Variants in PLXDC2 observed in about 807,000 individuals in gnomAD.
PLXDC2 encodes plexin domain containing 2.
Under a neutral mutation model 68.9 loss-of-function variants are expected in PLXDC2, and 40 were observed. The observed-to-expected ratio is 0.58, with a 90% CI of 0.45 to 0.76. PLXDC2 has a LOEUF of 0.76. Ranked by LOEUF, PLXDC2 falls within the 30% of genes least tolerant of loss-of-function variation. PLXDC2 has a pLI of 0.00. For synonymous variants in PLXDC2, 243 were observed against 234.2 expected (o/e 1.04, Z -0.34); for missense variants, 644 against 661.9 (o/e 0.97, Z 0.30).
intron 1 of PLXDC2, among the ~76,000 whole-genome samples, chr10:19,841,360 C>T (rs1313580051): frequency 1.3e-5 from 2 of 152,054 alleles, no homozygotes; most frequent in Non-Finnish European, 2.9e-5. Context: ...CACTAAATTT[C>T]AGTGTTTCCA....
At chr10:20,155,942 C>T (rs770694958) in intron 6 of PLXDC2, among the ~76,000 whole-genome samples, 3 of 152,022 alleles carry the variant, frequency 2.0e-5, no homozygotes, top group East Asian at 1.9e-4. Flanking sequence ...TGCAGTGGCG[C>T]GATCTCAGCT....
Position 19,994,932 on chromosome 10 carries a change from C to T in PLXDC2, c.113-6843C>T, listed in dbSNP as rs550323014. ...TAATTTTTTGTATTTTTAGTAGAGACGGGGTTTCACCACGTTGGCCAGCCT... is the reference window on the plus strand; with the variant it reads ...TAATTTTTTGTATTTTTAGTAGAGATGGGGTTTCACCACGTTGGCCAGCCT... On this transcript the variant is annotated intron_variant, in intron 1 of 13. Coordinates refer to ENST00000377252, the MANE Select transcript of PLXDC2 (RefSeq NM_032812.9). Among the ~76,000 whole-genome samples, 182 of 151,850 alleles carry T rather than the reference C, an allele frequency of 1.2e-3. 1 individual carries two copies. The highest frequency in any genetic ancestry group is 2.2e-3 in the Non-Finnish European group (148 of 67,924).
At chr10:20,127,692 G>A (rs1211438036) in intron 4 of PLXDC2, among the ~76,000 whole-genome samples, 2 of 152,030 alleles carry the variant, frequency 1.3e-5, no homozygotes, top group Non-Finnish European at 2.9e-5. Context: ...TAAGTCCTTA[G>A]AAAAGAAAGA....
In PLXDC2 at chr10:20,177,388, G is replaced by A. The variant is rs1280055367; in HGVS notation, c.1040G>A (p.Ser347Asn). Reference sequence around the variant, plus strand: ...TCTTCTCAGATTGGCTTCAACTGCAGTTGGTGTAGTAAACTTCAAAGGTAA... The same window carrying A: ...TCTTCTCAGATTGGCTTCAACTGCAATTGGTGTAGTAAACTTCAAAGGTAA... ...CVSSQIGFNC[S>N]WCSKLQRCSS... The change falls in exon 9 of 14, where the codon AGT (serine) becomes AAT (asparagine). Residue 347 changes from serine (S) to asparagine (N), a missense_variant. Coordinates refer to ENST00000377252, the MANE Select transcript of PLXDC2 (RefSeq NM_032812.9). 1 of 1,577,144 alleles carries A rather than the reference G, an allele frequency of 6.3e-7. No homozygotes were observed. The highest frequency in any genetic ancestry group is 1.4e-5 in the African/African-American group (1 of 73,922).
rs1834973045 is a variant in PLXDC2, at chr10:20,205,069, A to T, written c.1062-6600A>T. Among the ~76,000 whole-genome samples, 3 of 152,162 alleles carry T rather than the reference A, an allele frequency of 2.0e-5. No homozygotes were observed. The South Asian group carries it at 6.2e-4, about 31-fold the overall frequency. ...CATAGGAATATATTACCCTTGCAAA[A>T]TAATTCCTATTTCTGAAATTCTTTC... On this transcript the variant is annotated intron_variant, in intron 9 of 13. Coordinates refer to ENST00000377252, the MANE Select transcript of PLXDC2 (RefSeq NM_032812.9).
chr10:19,964,414 G>C (rs1292266002), intron 1 of PLXDC2, among the ~76,000 whole-genome samples: 1 of 152,140 alleles, frequency 6.6e-6, no homozygotes, highest in African/African-American at 2.4e-5. Context: ...CCAATCTCCA[G>C]CTTCCCATTC....
At chr10:19,954,671 T>TTC (rs1834040263) in intron 1 of PLXDC2, among the ~76,000 whole-genome samples, 1 of 152,240 alleles carries the variant, frequency 6.6e-6, no homozygotes, top group Non-Finnish European at 1.5e-5. Flanking sequence ...TTCCATTTAT[T>TTC]GATATTTTTA....
intron 13 of PLXDC2, among the ~76,000 whole-genome samples, chr10:20,260,052 T>A (rs990890166): frequency 5.9e-5 from 9 of 152,224 alleles, no homozygotes; most frequent in African/African-American, 2.2e-4. Context: ...ATACTCTATA[T>A]CAGGTACTCT....
chr10:20,282,673 C>T lies in PLXDC2; in HGVS notation c.*2854C>T, dbSNP rs1836096824. 6.6e-6 allele frequency: 1 copy of T among 152,092 alleles called. No homozygotes were observed. The highest frequency in any genetic ancestry group is 6.5e-5 in the Admixed American group (1 of 15,276). The allele number at this position is 152,092 out of a possible 1,614,324, so 9.4% of individuals were successfully genotyped here. A position where few individuals can be genotyped will look rare whatever the true frequency, so the allele number is the denominator to read the frequency against. ...AGAGCCTACTGCTCAAGGTCATCACCAAGGTCTGGTTGCAAAAATTCAAAA... is the reference window on the plus strand; with the variant it reads ...AGAGCCTACTGCTCAAGGTCATCACTAAGGTCTGGTTGCAAAAATTCAAAA... On this transcript the variant is annotated 3_prime_UTR_variant, in exon 14 of 14. Coordinates refer to ENST00000377252, the MANE Select transcript of PLXDC2 (RefSeq NM_032812.9).
intron 1 of PLXDC2, among the ~76,000 whole-genome samples, chr10:19,849,178 T>C (rs1439960363): frequency 6.6e-6 from 1 of 152,120 alleles, no homozygotes; most frequent in Non-Finnish European, 1.5e-5. Context: ...AGAAACAAGT[T>C]TATTGTAGAT....
At chr10:19,890,619 C>T in intron 1 of PLXDC2, among the ~76,000 whole-genome samples, 1 of 148,238 alleles carries the variant, frequency 6.7e-6, no homozygotes, top group South Asian at 2.2e-4. Flanking sequence ...TCGTGATCCA[C>T]CCGCCTCAGC....
intron 9 of PLXDC2, among the ~76,000 whole-genome samples, chr10:20,208,105 A>G (rs1479868101): frequency 6.6e-6 from 1 of 152,200 alleles, no homozygotes; most frequent in Non-Finnish European, 1.5e-5. Flanking sequence ...TTTGAAAAAT[A>G]TATAGATATC....
rs554573671 is a variant in PLXDC2 at position 20,153,359 on chromosome 10, C to CTTA, written c.783+5459_783+5461dup. ...AGACCTTCTCACTCTCTAACACTTG[C>CTTA]TTATACATTGGCAAATGCTTTGATG... On this transcript the variant is annotated intron_variant, in intron 6 of 13. Transcript: ENST00000377252. Among the ~76,000 whole-genome samples the CTTA allele has an allele frequency of 3.2e-4, 49 of 152,292 alleles. 1 individual carries two copies. In the South Asian group the frequency reaches 8.7e-3, roughly 27 times the overall value.
In PLXDC2 at chr10:20,280,434, A is replaced by G. The variant is rs1231686898; in HGVS notation, c.*615A>G. 6.6e-6 allele frequency: 1 copy of G among 152,248 alleles called. No homozygotes were observed. Among genetic ancestry groups the G allele is most frequent in the Non-Finnish European group, 1.5e-5 (1 of 68,062 alleles). The allele number at this position is 152,248 out of a possible 1,614,324, so 9.4% of individuals were successfully genotyped here. On this transcript the variant is annotated 3_prime_UTR_variant, in exon 14 of 14. Coordinates refer to ENST00000377252, the MANE Select transcript of PLXDC2 (RefSeq NM_032812.9). ...AACAAGTTCATCACTTTACAGAACG[A>G]ATCTTTTTATCCGTACAGGAGGTTC...
intron 3 of PLXDC2, among the ~76,000 whole-genome samples, chr10:20,051,525 A>G (rs1247715307): frequency 1.3e-5 from 2 of 149,812 alleles, no homozygotes; most frequent in African/African-American, 4.9e-5. Flanking sequence ...GGAGGTATAA[A>G]CCCTATTTTT....
intron 9 of PLXDC2, among the ~76,000 whole-genome samples, chr10:20,194,183 A>G (rs1834806517): frequency 9.6e-6 from 1 of 103,988 alleles, no homozygotes; most frequent in African/African-American, 3.1e-5. Flanking sequence ...AGACGAATTG[A>G]ACTCAGCTGT....
At chr10:20,140,431 A>G (rs1564330223) in intron 4 of PLXDC2, among the ~76,000 whole-genome samples, 1 of 149,334 alleles carries the variant, frequency 6.7e-6, no homozygotes, top group East Asian at 2.0e-4. Context: ...CTATCTATCT[A>G]TCTATCTATC....
At chr10:20,044,304 C>G (rs1286991780) in intron 2 of PLXDC2, among the ~76,000 whole-genome samples, 1 of 113,416 alleles carries the variant, frequency 8.8e-6, no homozygotes, top group Non-Finnish European at 1.8e-5. Flanking sequence ...TTCTTTCTCT[C>G]TCTCTCTTTC....
chr10:19,900,179 G>A (rs1564623451), intron 1 of PLXDC2, among the ~76,000 whole-genome samples: 1 of 152,246 alleles, frequency 6.6e-6, no homozygotes, highest in East Asian at 1.9e-4. Flanking sequence ...AAAGGATTTT[G>A]AAAAGCACAC....
Sources: allele counts gnomAD v4.1 joint callset (sites outside exome capture counted in the v4.1 genomes callset), GRCh38; gene constraint gnomAD v4.1.1; transcripts MANE v1.5; gene names NCBI Gene and HGNC (gene_info 2026-07-23, HGNC 2026-07-21).